PARL: variants seen among roughly 807,000 people sequenced by gnomAD.
PARL encodes presenilin associated rhomboid like.
Under a neutral mutation model 51.6 loss-of-function variants are expected in PARL, and 44 were observed. The observed-to-expected ratio is 0.85, with a 90% CI of 0.67 to 1.10. The LOEUF (loss-of-function observed/expected upper bound fraction) is 1.10. Ranked by LOEUF, PARL falls within the 50% of genes least tolerant of loss-of-function variation. The pLI is 0.00. For missense variants in PARL, 441 were observed against 469.5 expected, an observed-to-expected ratio of 0.94 and a Z score of 0.56; for synonymous variants, 172 against 164.0, an observed-to-expected ratio of 1.05 and a Z score of -0.37.
intron 2 of PARL, 121 bp from the exon 3 acceptor site, chr3:183,866,886 C>A: frequency 1.3e-6 from 1 of 744,884 alleles, no homozygotes; most frequent in Non-Finnish European, 2.2e-6. Flanking sequence ...GAATACTTGG[C>A]ACAGTGAAAC....
intron 7 of PARL, among the ~76,000 whole-genome samples, chr3:183,839,849 C>T (rs1299479638): frequency 6.6e-6 from 1 of 152,228 alleles, no homozygotes; most frequent in Admixed American, 6.5e-5. Context: ...CCTCCTTCCT[C>T]AGCCTCCTGA....
At position 183,867,891 on chromosome 3, in the gene PARL, T is replaced by A; in HGVS notation, c.295A>T (p.Ile99Leu). The A allele has an allele frequency of 6.2e-7, 1 of 1,611,128 alleles. No individual in the cohort carries two copies. The change falls in exon 2 of 10, where the codon ATA (isoleucine) becomes TTA (leucine). Residue 99 changes from isoleucine (I) to leucine (L), a missense_variant. Physicochemically the swap from Ile to Leu is conservative, Grantham distance 5. Coordinates refer to ENST00000317096, the MANE Select transcript of PARL (RefSeq NM_018622.7). ...CCAACAGTAAAAAATAAAGGTTTTA[T>A]GAGACTCCTTATAGGATAGGGAGAA... Reference protein sequence around the residue: ...YPSPYPIRSLIKPLFFTVGFT... With the variant: ...YPSPYPIRSLLKPLFFTVGFT...
chr3:183,829,509 G>A lies in PARL; in HGVS notation c.*89C>T, dbSNP rs1278954460. On this transcript the variant is annotated 3_prime_UTR_variant, in exon 10 of 10. Coordinates refer to ENST00000317096, the MANE Select transcript of PARL (RefSeq NM_018622.7). ...GGCCAGATGCTGGCATCTTCCAGAC[G>A]GGAGCATAGCCATGGTCACTCTAGC... 10 of 1,612,746 alleles carry A rather than the reference G, an allele frequency of 6.2e-6. No individual in the cohort carries two copies. The highest frequency in any genetic ancestry group is 4.5e-5 in the East Asian group (2 of 44,892).
chr3:183,837,844 G>A (rs1277910810), intron 7 of PARL, among the ~76,000 whole-genome samples: 2 of 152,264 alleles, frequency 1.3e-5, no homozygotes, highest in Admixed American at 1.3e-4. Context: ...GGGTGTAGTG[G>A]CTCACACCAG....
At chr3:183,878,806 CTA>C (rs1456788040) in intron 1 of PARL, among the ~76,000 whole-genome samples, 12 of 152,118 alleles carry the variant, frequency 7.9e-5, no homozygotes, top group Non-Finnish European at 1.6e-4. Context: ...AAACTGCGGC[CTA>C]TAGAGTGGAT....
chr3:183,877,102 T>A (rs1311186152), intron 1 of PARL, among the ~76,000 whole-genome samples: 1 of 152,140 alleles, frequency 6.6e-6, no homozygotes, highest in Non-Finnish European at 1.5e-5. Flanking sequence ...TAATCCCAGC[T>A]ACTCAGGAGG....
At chr3:183,863,384 TG>T (rs974452626) in intron 3 of PARL, among the ~76,000 whole-genome samples, 13 of 151,848 alleles carry the variant, frequency 8.6e-5, no homozygotes, top group African/African-American at 2.9e-4. Context: ...GGGAAATAGA[TG>T]AAAAAAAAAT....
At chr3:183,858,174 C>A (rs1305823029) in intron 4 of PARL, among the ~76,000 whole-genome samples, 1 of 152,098 alleles carries the variant, frequency 6.6e-6, no homozygotes, top group African/African-American at 2.4e-5. Context: ...TCAGGAGTTA[C>A]AGAAAAACAG....
chr3:183,840,602 C>A lies in PARL; in HGVS notation c.796G>T (p.Ala266Ser). The A allele has an allele frequency of 6.4e-7, 1 of 1,566,896 alleles. No individual in the cohort carries two copies. The highest frequency in any genetic ancestry group is 1.2e-5 in the South Asian group (1 of 86,400). ...AGTGATGGTCCATATCTTCCTGTGG[C>A]AACTTTACCCACGTAACTGACAAAA... ...SNFVSYVGKV[A>S]TGRYGPSLGA... Residue 266 changes from alanine to serine, a missense_variant, in exon 7 of 10, where the codon GCC becomes TCC. Ala to Ser is a moderately conservative substitution (Grantham distance 99). Coordinates refer to ENST00000317096, the MANE Select transcript of PARL (RefSeq NM_018622.7).
intron 7 of PARL, among the ~76,000 whole-genome samples, chr3:183,836,523 G>A (rs1368569607): frequency 2.6e-5 from 4 of 151,756 alleles, no homozygotes; most frequent in Non-Finnish European, 4.4e-5. Context: ...TCACTTTTTC[G>A]AGTCAGAAAG....
chr3:183,864,572 C>T (rs6443915), intron 3 of PARL, among the ~76,000 whole-genome samples: 62,608 of 151,700 alleles, frequency 0.41, 13,553 homozygotes, highest in Middle Eastern at 0.54. Flanking sequence ...GTCAGGAGAT[C>T]GAGACCATCC....
chr3:183,837,106 T>C (rs1728706081), intron 7 of PARL, among the ~76,000 whole-genome samples: 2 of 152,206 alleles, frequency 1.3e-5, no homozygotes, highest in Admixed American at 6.5e-5. Flanking sequence ...TTAACTTTAT[T>C]TGGTATTATA....
intron 9 of PARL, among the ~76,000 whole-genome samples, chr3:183,832,740 C>T (rs1728101787): frequency 6.6e-6 from 1 of 152,148 alleles, no homozygotes; most frequent in Non-Finnish European, 1.5e-5. Flanking sequence ...CTAGGCAAAA[C>T]CCCATTGTTT....
At chr3:183,851,623 A>G (rs556462128) in intron 4 of PARL, among the ~76,000 whole-genome samples, 6 of 152,270 alleles carry the variant, frequency 3.9e-5, no homozygotes, top group South Asian at 4.1e-4. Flanking sequence ...GGATGGATAT[A>G]ATAAAGGCAA....
Position 183,833,586 on chromosome 3 carries a change from G to A in PARL, c.934C>T (p.Leu312=). The A allele has an allele frequency of 6.2e-7, 1 of 1,610,176 alleles. No individual in the cohort carries two copies. The highest frequency in any genetic ancestry group is 1.3e-5 in the African/African-American group (1 of 74,932). Residue 312 remains leucine (L), a synonymous_variant, in exon 9 of 10, where the codon CTG becomes TTG. Transcript: ENST00000317096. ...PMFTFTAGNA[L]KAIIAMDTAG... is the part of the protein sequence containing the mutation. ...GTATCCATGGCGATAATGGCTTTCAGGGCCTGAAAGGCAGCAAGAAACAAG... is the reference window on the plus strand; with the variant it reads ...GTATCCATGGCGATAATGGCTTTCAAGGCCTGAAAGGCAGCAAGAAACAAG...
At chr3:183,826,783 T>C, downstream of PARL, 1 of 985,414 alleles carries the variant, frequency 1.0e-6, no homozygotes, top group Non-Finnish European at 1.2e-6. Flanking sequence ...TTGTGGACTG[T>C]CCGCCACGGC....
In PARL at chr3:183,829,521, A is replaced by T; in HGVS notation, c.*77T>A. Reference sequence around the variant, plus strand: ...GCATCTTCCAGACGGGAGCATAGCCATGGTCACTCTAGCCGATGTCTCCTG... The same window carrying T: ...GCATCTTCCAGACGGGAGCATAGCCTTGGTCACTCTAGCCGATGTCTCCTG... On this transcript the variant is annotated 3_prime_UTR_variant, in exon 10 of 10. Transcript: ENST00000317096. 6.2e-7 allele frequency: 1 copy of T among 1,613,728 alleles called. No homozygotes were observed.
intron 4 of PARL, among the ~76,000 whole-genome samples, chr3:183,862,429 A>C (rs541603245): frequency 1.1e-4 from 16 of 150,490 alleles, no homozygotes; most frequent in Non-Finnish European, 2.1e-4. Context: ...CAGCATCCTG[A>C]ATATAGAAGG....
At chr3:183,827,315 G>A (rs148754860), downstream of PARL, among the ~76,000 whole-genome samples, 132 of 152,218 alleles carry the variant, frequency 8.7e-4, no homozygotes, top group African/African-American at 3.0e-3. Context: ...TTAGCCAGGC[G>A]TGGTAGTGTG....
Sources: gnomAD v4.1 joint callset for allele counts (sites outside exome capture counted in the v4.1 genomes callset) on GRCh38, gnomAD v4.1.1 for gene constraint, MANE v1.5 for transcripts, NCBI Gene and HGNC (gene_info 2026-07-23, HGNC 2026-07-21) for gene names.